SGCZ: variants seen among roughly 807,000 people sequenced by gnomAD.
SGCZ encodes zeta-sarcoglycan.
SGCZ carries 40 observed loss-of-function variants against 41.3 expected under a neutral mutation model. The ratio of observed to expected loss-of-function variants is 0.97; its 90% confidence interval spans 0.75 to 1.26. SGCZ has a LOEUF of 1.26. SGCZ is among the 50% of genes most tolerant of loss of function. The pLI, the probability that SGCZ is intolerant of heterozygous loss-of-function variation, is 0.00. For missense variants in SGCZ, 552 were observed against 369.8 expected, an observed-to-expected ratio of 1.49 and a Z score of -4.04; for synonymous variants, 206 against 137.5, an observed-to-expected ratio of 1.50 and a Z score of -3.49.
chr8:14,527,908 G>A (rs1803004258), intron 2 of SGCZ, among the ~76,000 whole-genome samples: 1 of 152,026 alleles, frequency 6.6e-6, no homozygotes, highest in South Asian at 2.1e-4. Flanking sequence ...CAAAAAAAGT[G>A]GGAGGTGGGG....
intron 1 of SGCZ, among the ~76,000 whole-genome samples, chr8:14,771,586 A>G (rs2130394484): frequency 6.6e-6 from 1 of 152,206 alleles, no homozygotes; most frequent in South Asian, 2.1e-4. Context: ...CTATTGGTAT[A>G]TATATTTAAA....
chr8:15,080,003 A>T (rs1475445072), intron 1 of SGCZ, among the ~76,000 whole-genome samples: 2 of 150,074 alleles, frequency 1.3e-5, no homozygotes, highest in African/African-American at 2.5e-5. Context: ...TTTCTGTTCC[A>T]TTTCTTCTCC....
At chr8:14,849,828 C>G (rs1317485649) in intron 1 of SGCZ, among the ~76,000 whole-genome samples, 1 of 152,098 alleles carries the variant, frequency 6.6e-6, no homozygotes, top group Non-Finnish European at 1.5e-5. Flanking sequence ...AAATGAAATT[C>G]AAATTGGAAA....
intron 1 of SGCZ, among the ~76,000 whole-genome samples, chr8:14,755,300 G>T (rs989368912): frequency 6.6e-6 from 1 of 151,860 alleles, no homozygotes; most frequent in Non-Finnish European, 1.5e-5. Context: ...ACTGAGTATT[G>T]ATTTTCACAT....
intron 5 of SGCZ, among the ~76,000 whole-genome samples, chr8:14,160,773 C>T (rs1334358183): frequency 1.3e-5 from 2 of 152,088 alleles, no homozygotes; most frequent in African/African-American, 4.8e-5. Flanking sequence ...TAAATTCCTG[C>T]TGCTTTGTAG....
chr8:15,230,618 A>C (rs1801911508), intron 1 of SGCZ, among the ~76,000 whole-genome samples: 1 of 152,192 alleles, frequency 6.6e-6, no homozygotes, highest in Non-Finnish European at 1.5e-5. Flanking sequence ...GTCATTTTTG[A>C]GCCATAGACT....
intron 2 of SGCZ, among the ~76,000 whole-genome samples, chr8:14,537,291 G>T (rs570555390): frequency 8.6e-5 from 13 of 151,806 alleles, no homozygotes; most frequent in South Asian, 2.1e-4. Flanking sequence ...AGACCAGGGT[G>T]GGGGGTCGTC....
intron 2 of SGCZ, among the ~76,000 whole-genome samples, chr8:14,546,183 G>A (rs149491467): frequency 2.0e-5 from 3 of 152,226 alleles, no homozygotes; most frequent in Non-Finnish European, 2.9e-5. Flanking sequence ...CCACACTGAG[G>A]GGCAGTGCGG....
At chr8:14,101,639 C>A (rs946079101) in intron 7 of SGCZ, among the ~76,000 whole-genome samples, 2 of 105,190 alleles carry the variant, frequency 1.9e-5, no homozygotes, top group African/African-American at 5.4e-5. Context: ...TGTATACATC[C>A]TATTCCAGGA....
chr8:14,625,225 ATAC>A (rs1806415619), intron 1 of SGCZ, among the ~76,000 whole-genome samples: 1 of 152,152 alleles, frequency 6.6e-6, no homozygotes, highest in African/African-American at 2.4e-5. Context: ...ATTTTTTAAC[ATAC>A]TACAATAAAT....
In SGCZ at chr8:14,876,793, A is replaced by G. The variant is rs552263804; in HGVS notation, c.40-321867T>C. Among the ~76,000 whole-genome samples, 12 of 152,264 alleles carry G rather than the reference A, an allele frequency of 7.9e-5. 1 individual carries two copies. The South Asian group carries it at 2.5e-3, about 32-fold the overall frequency. Reference sequence around the variant, plus strand: ...TTAGGAAGGAGAAATTATATGTAACAAACAGCAAATAAGCAGAGCTACCAG... The same window carrying G: ...TTAGGAAGGAGAAATTATATGTAACGAACAGCAAATAAGCAGAGCTACCAG... On this transcript the variant is annotated intron_variant, in intron 1 of 7. Coordinates refer to ENST00000382080, the MANE Select transcript of SGCZ (RefSeq NM_139167.4).
rs1802337365 is a variant in SGCZ at position 14,826,755 on chromosome 8, T to C, written c.40-271829A>G. ...TTCTTTTGAGAAGTGTCTGTTTATA[T>C]CCTTTGCCGACTTTTTGATGGGGTT... is the stretch of plus-strand genomic sequence containing the variant. On this transcript the variant is annotated intron_variant, in intron 1 of 7. Coordinates refer to ENST00000382080, the MANE Select transcript of SGCZ (RefSeq NM_139167.4). 4.6e-5 allele frequency among the ~76,000 whole-genome samples: 7 copies of C among 152,346 alleles called. No homozygotes were observed. In the South Asian group the frequency reaches 1.4e-3, roughly 32 times the overall value.
At chr8:14,894,756 T>C (rs917654041) in intron 1 of SGCZ, among the ~76,000 whole-genome samples, 6 of 149,924 alleles carry the variant, frequency 4.0e-5, no homozygotes, top group African/African-American at 1.5e-4. Context: ...CTTTTTGTTA[T>C]AAACTACAAA....
intron 1 of SGCZ, among the ~76,000 whole-genome samples, chr8:14,856,950 G>A (rs1406818052): frequency 1.3e-5 from 2 of 152,096 alleles, no homozygotes; most frequent in East Asian, 1.9e-4. Context: ...GTTTGGATCC[G>A]TGTCTCTGCC....
chr8:14,439,628 A>T (rs911581594), intron 2 of SGCZ, among the ~76,000 whole-genome samples: 1 of 151,874 alleles, frequency 6.6e-6, no homozygotes, highest in African/African-American at 2.4e-5. Flanking sequence ...GCTCCATATT[A>T]AAAAAATCAA....
intron 1 of SGCZ, among the ~76,000 whole-genome samples, chr8:15,054,724 G>T (rs1433417844): frequency 1.3e-5 from 2 of 151,946 alleles, no homozygotes; most frequent in African/African-American, 4.8e-5. Context: ...GGAGGCTGAG[G>T]CGGGCAGACC....
rs537205944 is a variant in SGCZ, at chr8:14,333,630, G to C, written c.235-9426C>G. ...ATATTAACATTCAGATGAGTTTGCA[G>C]TAGAGAAACACACTGTGTCTAATAC... On this transcript the variant is annotated intron_variant, in intron 2 of 7. Transcript: ENST00000382080. Among the ~76,000 whole-genome samples the C allele has an allele frequency of 2.6e-5, 4 of 152,238 alleles. No individual in the cohort carries two copies. The East Asian group carries it at 5.8e-4, about 22-fold the overall frequency.
At chr8:15,055,941 C>T (rs543435893) in intron 1 of SGCZ, among the ~76,000 whole-genome samples, 1 of 152,304 alleles carries the variant, frequency 6.6e-6, no homozygotes, top group South Asian at 2.1e-4. Flanking sequence ...ATTTTTCCAA[C>T]AACTAAACTT....
At chr8:14,551,074 G>T (rs986530079) in intron 2 of SGCZ, among the ~76,000 whole-genome samples, 1 of 149,204 alleles carries the variant, frequency 6.7e-6, no homozygotes, top group Non-Finnish European at 1.5e-5. Flanking sequence ...TAATGAATTT[G>T]CTCTCCCCAT....
Sources: allele counts gnomAD v4.1 joint callset (sites outside exome capture counted in the v4.1 genomes callset), GRCh38; gene constraint gnomAD v4.1.1; transcripts MANE v1.5; gene names NCBI Gene and HGNC (gene_info 2026-07-23, HGNC 2026-07-21).